JADE2: variants seen among roughly 807,000 people sequenced by gnomAD.
The protein encoded by JADE2 is E3 ubiquitin-protein ligase Jade-2.
JADE2 carries 13 observed loss-of-function variants against 85.7 expected under a neutral mutation model. That is an observed-to-expected ratio of 0.15 (90% CI 0.10 to 0.24). JADE2 has a LOEUF of 0.24. JADE2 is among the 10% of genes least tolerant of loss of function. The probability of loss-of-function intolerance (pLI) is 1.00; values close to 1 mark genes in which losing one functional copy is unlikely to be tolerated. For missense variants in JADE2, 846 were observed against 1,115.9 expected (o/e 0.76, Z 3.45); for synonymous variants, 440 against 456.1 (o/e 0.96, Z 0.45).
At chr5:134,559,075 G>C (rs1279398804) in intron 4 of JADE2, among the ~76,000 whole-genome samples, 1 of 152,228 alleles carries the variant, frequency 6.6e-6, no homozygotes, top group Admixed American at 6.5e-5. Flanking sequence ...TTTGGCCTCT[G>C]TCTTGGTCCT....
intron 4 of JADE2, among the ~76,000 whole-genome samples, chr5:134,556,003 C>T (rs1192510058): frequency 6.6e-6 from 1 of 152,212 alleles, no homozygotes; most frequent in Non-Finnish European, 1.5e-5. Context: ...GGGTTGGGCC[C>T]CTGCCTCCCC....
rs1420614706 is a variant in JADE2 at position 134,559,999 on chromosome 5, C to T, written c.472+9C>T. ...GGAGCTTAAGGAGATGGGTAGGTGACCACTGCATTAAGAATGGGATCACGG... is the reference window on the plus strand; with the variant it reads ...GGAGCTTAAGGAGATGGGTAGGTGATCACTGCATTAAGAATGGGATCACGG... On this transcript the variant is annotated intron_variant, in intron 5 of 11. Coordinates refer to ENST00000681547, the MANE Select transcript of JADE2 (RefSeq NM_001388185.1). 1.2e-6 allele frequency: 2 copies of T among 1,613,726 alleles called. No individual in the cohort carries two copies. The highest frequency in any genetic ancestry group is 3.3e-5 in the Admixed American group (2 of 59,958).
chr5:134,565,573 G>A (rs557806399), intron 8 of JADE2, among the ~76,000 whole-genome samples: 13 of 152,270 alleles, frequency 8.5e-5, no homozygotes, highest in East Asian at 5.8e-4. Flanking sequence ...GGCCAGGCAC[G>A]GTGGCTCACG....
intron 3 of JADE2, among the ~76,000 whole-genome samples, chr5:134,547,518 T>C (rs1762363636): frequency 6.6e-6 from 1 of 152,272 alleles, no homozygotes; most frequent in African/African-American, 2.4e-5. Context: ...CGTTCATCAG[T>C]GTCCATTTTA....
chr5:134,556,623 CCA>C (rs1249888936), intron 4 of JADE2, among the ~76,000 whole-genome samples: 1 of 74,092 alleles, frequency 1.3e-5, no homozygotes, highest in African/African-American at 5.9e-5. Flanking sequence ...TACACACACA[CCA>C]CACACACACC....
In JADE2 at chr5:134,578,712, C is replaced by A. The variant is rs1418930968; in HGVS notation, c.1900C>A (p.Pro634Thr). Residue 634 changes from proline to threonine, a missense_variant, in exon 12 of 12, where the codon CCT (proline) becomes ACT (threonine). Pro to Thr is a conservative substitution (Grantham distance 38). Coordinates refer to ENST00000681547, the MANE Select transcript of JADE2 (RefSeq NM_001388185.1). This position sits in a 1 kb window ranked among gnomAD's most constrained non-coding sequence, Gnocchi z 4.4. ...GGACCCCTCGCTGCGACCTGGTGAC[C>A]CTGCTAGGAAGGCCCGAGGCCGCAC... Reference protein sequence around the residue: ...MRDPSLRPGDPARKARGRTRL... With the variant: ...MRDPSLRPGDTARKARGRTRL... 6.2e-7 allele frequency: 1 copy of A among 1,613,460 alleles called. No individual in the cohort carries two copies. The highest frequency in any genetic ancestry group is 1.3e-5 in the African/African-American group (1 of 74,916).
At chr5:134,567,017 G>A (rs555151951) in intron 9 of JADE2, among the ~76,000 whole-genome samples, 24 of 152,318 alleles carry the variant, frequency 1.6e-4, no homozygotes, top group East Asian at 7.7e-4. Context: ...AGCTGTCCCC[G>A]TAACCCATGC....
Position 134,578,969 on chromosome 5 carries a change from ACTGGCCC to A in JADE2, c.2161_2167del (p.Ala721ArgfsTer9). The stretch of plus-strand genomic sequence containing the variant: ...TAGCCACCCCTGAAAGCCCCCCGCC[ACTGGCCC>A]CTGAGACCCCGGACGAGGCAGCCTC... On this transcript the variant is annotated frameshift_variant, in exon 12 of 12. Coordinates refer to ENST00000681547, the MANE Select transcript of JADE2 (RefSeq NM_001388185.1). LOFTEE classifies it high-confidence loss of function. This position sits in a 1 kb window ranked among gnomAD's most constrained non-coding sequence, Gnocchi z 4.4. The A allele has an allele frequency of 6.2e-7, 1 of 1,613,544 alleles. No individual in the cohort carries two copies. Among genetic ancestry groups the A allele is most frequent in the East Asian group, 2.2e-5 (1 of 44,874 alleles).
chr5:134,569,970 G>A (rs950744358), intron 9 of JADE2, among the ~76,000 whole-genome samples: 6 of 152,136 alleles, frequency 3.9e-5, no homozygotes, highest in East Asian at 1.9e-4. Flanking sequence ...ATCCTGCTCC[G>A]TGCCTGCAGT....
In JADE2 at chr5:134,579,151, C is replaced by T; in HGVS notation, c.2339C>T (p.Ala780Val). Residue 780 changes from alanine to valine, a missense_variant, in exon 12 of 12, where the codon GCT becomes GTT. Transcript: ENST00000681547. The surrounding 1 kb of genome is among the most constrained non-coding windows in gnomAD (Gnocchi z 4.6). ...DAGMGPPSAV[A>V]ERPKVSLHFD... is the part of the protein sequence containing the mutation. Reference sequence around the variant, plus strand: ...GGGATGGGACCACCTTCAGCTGTGGCTGAGAGGCCCAAGGTCAGCCTGCAT... The same window carrying T: ...GGGATGGGACCACCTTCAGCTGTGGTTGAGAGGCCCAAGGTCAGCCTGCAT... The T allele has an allele frequency of 6.2e-7, 1 of 1,614,234 alleles. No homozygotes were observed. Among genetic ancestry groups the T allele is most frequent in the Non-Finnish European group, 8.5e-7 (1 of 1,180,044 alleles).
At chr5:134,540,344 G>A (rs1039120798) in intron 3 of JADE2, among the ~76,000 whole-genome samples, 4 of 151,612 alleles carry the variant, frequency 2.6e-5, no homozygotes, top group South Asian at 2.1e-4. Context: ...TCAGCTTCCC[G>A]AGTAGCTAGA....
chr5:134,571,134 G>A lies in JADE2; in HGVS notation c.1435-2511G>A, dbSNP rs569774808. Among the ~76,000 whole-genome samples, 7 of 152,330 alleles carry A rather than the reference G, an allele frequency of 4.6e-5. No homozygotes were observed. The South Asian group carries it at 6.2e-4, about 14-fold the overall frequency. ...GAATCTTTGCTGTTCCTTGGCCTGC[G>A]GACATCTGTCTGGCCTCTGCCTCTG... On this transcript the variant is annotated intron_variant, in intron 9 of 11. Transcript: ENST00000681547.
At chr5:134,573,556 C>T (rs1764172709) in intron 9 of JADE2, 89 bp from the exon 10 acceptor site, 5 of 879,428 alleles carry the variant, frequency 5.7e-6, no homozygotes, top group South Asian at 4.0e-5. Context: ...GCCCCTGGCA[C>T]TGCCTCCACC....
chr5:134,530,713 G>C (rs1313298182), intron 1 of JADE2, among the ~76,000 whole-genome samples: 1 of 152,226 alleles, frequency 6.6e-6, no homozygotes, highest in Non-Finnish European at 1.5e-5. Flanking sequence ...CCAAATTGCT[G>C]CCCTATTACT....
intron 3 of JADE2, among the ~76,000 whole-genome samples, chr5:134,551,688 C>G (rs1456128780): frequency 6.6e-6 from 1 of 152,102 alleles, no homozygotes; most frequent in Admixed American, 6.5e-5. Flanking sequence ...ATCAGTATTG[C>G]TTTCACATTA....
chr5:134,531,213 C>T (rs1359429572), intron 1 of JADE2, among the ~76,000 whole-genome samples: 7 of 152,026 alleles, frequency 4.6e-5, no homozygotes, highest in Non-Finnish European at 1.0e-4. Flanking sequence ...GCACAGGGCT[C>T]GAAGTATGGA....
At chr5:134,556,052 G>A (rs1348463721) in intron 4 of JADE2, among the ~76,000 whole-genome samples, 1 of 152,144 alleles carries the variant, frequency 6.6e-6, no homozygotes, top group African/African-American at 2.4e-5. Flanking sequence ...CTGACATTGG[G>A]TGTGGTGATG....
rs1764727733 is a variant in JADE2, at chr5:134,581,843, C to T, written c.*2526C>T. ...ATCTTCTTCAGGCAGCTGTCTCCAC[C>T]TCCAGGATGTCCAGCAGGCTGCAAG... On this transcript the variant is annotated 3_prime_UTR_variant, in exon 12 of 12. Transcript: ENST00000681547. 1.3e-5 allele frequency: 2 copies of T among 152,308 alleles called. No individual in the cohort carries two copies. The highest frequency in any genetic ancestry group is 2.9e-5 in the Non-Finnish European group (2 of 68,102). The allele number at this position is 152,308 out of a possible 1,614,324, so 9.4% of individuals were successfully genotyped here.
At chr5:134,533,734 CTCTT>C (rs1453428322) in intron 1 of JADE2, 2 of 126,540 alleles carry the variant, frequency 1.6e-5, no homozygotes, top group African/African-American at 6.6e-5. Flanking sequence ...GTCACACTCT[CTCTT>C]TTTTTTTTTT....
Sources: allele counts gnomAD v4.1 joint callset (sites outside exome capture counted in the v4.1 genomes callset), GRCh38; gene constraint gnomAD v4.1.1; non-coding constraint Gnocchi (gnomAD v3.1); transcripts MANE v1.5; gene names NCBI Gene and HGNC (gene_info 2026-07-23, HGNC 2026-07-21).